DGKB: variants seen among roughly 807,000 people sequenced by gnomAD.
DGKB encodes the protein diacylglycerol kinase beta.
In DGKB, 67 loss-of-function variants were observed where a neutral mutation model predicts 114.3. The ratio of observed to expected loss-of-function variants is 0.59; its 90% CI spans 0.48 to 0.72. The LOEUF is 0.72. DGKB is among the 30% of genes least tolerant of loss of function. The pLI, the probability that DGKB is intolerant of heterozygous loss-of-function variation, is 0.00. For missense variants in DGKB, 907 were observed against 975.2 expected (o/e 0.93, Z 0.93); for synonymous variants, 398 against 323.1 (o/e 1.23, Z -2.49).
chr7:14,287,441 T>A (rs1002548820), intron 23 of DGKB, among the ~76,000 whole-genome samples: 3 of 152,160 alleles, frequency 2.0e-5, no homozygotes, highest in African/African-American at 4.8e-5. Context: ...ATTTCTAAGT[T>A]GTTCTAAATG....
rs574926506 is a variant in DGKB at position 14,241,127 on chromosome 7, C to T, written c.2123-62976G>A. On this transcript the variant is annotated intron_variant, in intron 23 of 25. Coordinates refer to ENST00000402815, the MANE Select transcript of DGKB (RefSeq NM_001350709.2). ...TTTCAGAGCAACTATAAATGTACGGCGCTTTCATCTAACCTAGCCCCATGG... is the reference window on the plus strand; with the variant it reads ...TTTCAGAGCAACTATAAATGTACGGTGCTTTCATCTAACCTAGCCCCATGG... Among the ~76,000 whole-genome samples the T allele has an allele frequency of 2.5e-3, 383 of 152,196 alleles. 2 individuals are homozygous for T. The highest frequency in any genetic ancestry group is 3.4e-3 in the Middle Eastern group (1 of 294).
chr7:14,498,695 A>C (rs1785668054), intron 20 of DGKB, among the ~76,000 whole-genome samples: 1 of 151,728 alleles, frequency 6.6e-6, no homozygotes, highest in Admixed American at 6.6e-5. Flanking sequence ...GTAGTAGTAC[A>C]CTTTTTGTTA....
intron 2 of DGKB, among the ~76,000 whole-genome samples, chr7:14,786,015 CT>C (rs1839843019): frequency 6.6e-6 from 1 of 151,688 alleles, no homozygotes; most frequent in African/African-American, 2.4e-5. Flanking sequence ...GCAGAAAATC[CT>C]TTTTGAAAGT....
intron 23 of DGKB, among the ~76,000 whole-genome samples, chr7:14,184,345 G>A (rs112217930): frequency 0.021 from 3,239 of 152,266 alleles, 95 homozygotes; most frequent in African/African-American, 0.067. Context: ...ACAGGCAGGG[G>A]AAGAACCAAG....
chr7:14,931,257 G>A (rs879583865), intron 1 of DGKB, among the ~76,000 whole-genome samples: 13 of 151,886 alleles, frequency 8.6e-5, no homozygotes, highest in Non-Finnish European at 1.3e-4. Flanking sequence ...GATTACAGGC[G>A]TGCGCCTCCA....
chr7:14,367,489 G>A (rs1816877407), intron 21 of DGKB, among the ~76,000 whole-genome samples: 1 of 151,974 alleles, frequency 6.6e-6, no homozygotes. Context: ...CGCCACGGTC[G>A]TGAGGCCTCC....
chr7:14,645,057 T>C lies in DGKB; in HGVS notation c.1135-14789A>G, dbSNP rs187986951. Among the ~76,000 whole-genome samples, 31 of 152,230 alleles carry C rather than the reference T, an allele frequency of 2.0e-4. No homozygotes were observed. In the East Asian group the frequency reaches 5.8e-3, roughly 29 times the overall value. On this transcript the variant is annotated intron_variant, in intron 13 of 25. Coordinates refer to ENST00000402815, the MANE Select transcript of DGKB (RefSeq NM_001350709.2). ...TATCTCCATCTCACCCACTCAGTCT[T>C]GATTGGTTCCTTCTGAATGATGCCT...
chr7:14,265,362 T>C (rs1797354422), intron 23 of DGKB, among the ~76,000 whole-genome samples: 1 of 142,356 alleles, frequency 7.0e-6, no homozygotes, highest in East Asian at 2.4e-4. Flanking sequence ...ATTCAGATAT[T>C]ACCCATCTTA....
At position 14,972,877 on chromosome 7, in the gene DGKB, T is replaced by G. The variant is rs1196345589; in HGVS notation, c.-188+1819A>C. Among the ~76,000 whole-genome samples the G allele has an allele frequency of 2.6e-5, 4 of 152,032 alleles. No homozygotes were observed. In the East Asian group the frequency reaches 7.7e-4, roughly 29 times the overall value. ...CCACTCTAAACACAAAGCATGTGAA[T>G]GTGTGTTTGCGTATGTGTGTATACA... On this transcript the variant is annotated intron_variant, in intron 1 of 4. Transcript: ENST00000437998.
At chr7:14,326,984 C>A (rs1554354514) in intron 23 of DGKB, among the ~76,000 whole-genome samples, 6 of 152,100 alleles carry the variant, frequency 3.9e-5, no homozygotes, top group Non-Finnish European at 5.9e-5. Flanking sequence ...AGTAAATACT[C>A]ATGTGTACTA....
At chr7:14,646,552 A>C (rs2128886285) in intron 13 of DGKB, among the ~76,000 whole-genome samples, 1 of 152,302 alleles carries the variant, frequency 6.6e-6, no homozygotes, top group Middle Eastern at 3.4e-3. Context: ...TATTCTCCTC[A>C]GGACATGGGA....
rs1781415899 is a variant in DGKB at position 14,145,776 on chromosome 7, C to T, written c.*3355G>A. 1 of 152,138 alleles carries T rather than the reference C, an allele frequency of 6.6e-6. No individual in the cohort carries two copies. The highest frequency in any genetic ancestry group is 6.6e-5 in the Admixed American group (1 of 15,260). The allele number at this position is 152,138 out of a possible 1,614,324, so 9.4% of individuals were successfully genotyped here. On this transcript the variant is annotated 3_prime_UTR_variant, in exon 26 of 26. Coordinates refer to ENST00000402815, the MANE Select transcript of DGKB (RefSeq NM_001350709.2). ...CTGGCCACATTTTCCTTTTTATAAC[C>T]AATGAACAACAAACTAACGTTGACA...
At chr7:14,168,856 G>A (rs749101873) in intron 25 of DGKB, among the ~76,000 whole-genome samples, 2 of 152,176 alleles carry the variant, frequency 1.3e-5, no homozygotes, top group Non-Finnish European at 2.9e-5. Flanking sequence ...TGAGGAAATT[G>A]CTTCTAAGCT....
chr7:14,474,827 GT>G (rs5882447), intron 21 of DGKB, among the ~76,000 whole-genome samples: 50,880 of 148,592 alleles, frequency 0.34, 8,994 homozygotes, highest in South Asian at 0.44. Flanking sequence ...TAAATATTTA[GT>G]TTTTTTTTTT....
chr7:14,608,862 A>T (rs1022638710), intron 16 of DGKB, among the ~76,000 whole-genome samples: 1 of 152,014 alleles, frequency 6.6e-6, no homozygotes, highest in African/African-American at 2.4e-5. Flanking sequence ...CAACTAAGGA[A>T]GGAGGTGAAA....
At chr7:14,399,603 G>A (rs923949196) in intron 21 of DGKB, among the ~76,000 whole-genome samples, 2 of 151,826 alleles carry the variant, frequency 1.3e-5, no homozygotes, top group African/African-American at 4.8e-5. Flanking sequence ...TATAGTGACT[G>A]TCCTATATAT....
intron 20 of DGKB, among the ~76,000 whole-genome samples, chr7:14,553,156 T>C (rs993311269): frequency 2.6e-4 from 39 of 152,246 alleles, no homozygotes; most frequent in African/African-American, 9.4e-4. Flanking sequence ...TCTAATAATG[T>C]ATTGCAAGGC....
chr7:14,429,923 T>TC (rs11299453), intron 21 of DGKB, among the ~76,000 whole-genome samples: 21 of 147,804 alleles, frequency 1.4e-4, no homozygotes, highest in African/African-American at 3.5e-4. Context: ...TGAGACTCTG[T>TC]CCCCCCCCCC....
intron 21 of DGKB, among the ~76,000 whole-genome samples, chr7:14,378,915 C>T (rs183970440): frequency 1.4e-3 from 205 of 151,592 alleles, no homozygotes; most frequent in South Asian, 5.2e-3. Context: ...TAAATATTTA[C>T]GCATTTTGGT....
Sources: allele counts gnomAD v4.1 joint callset (sites outside exome capture counted in the v4.1 genomes callset), GRCh38; gene constraint gnomAD v4.1.1; transcripts MANE v1.5; gene names NCBI Gene and HGNC (gene_info 2026-07-23, HGNC 2026-07-21).